The following PHTF2 variants were observed in gnomAD, a reference collection of about 807,000 sequenced individuals.
PHTF2 encodes the protein protein PHTF2.
In PHTF2, 60 loss-of-function variants were observed where a neutral mutation model predicts 101.2. That is an observed-to-expected ratio of 0.59 (90% CI 0.48 to 0.73). The LOEUF is 0.73. PHTF2 is among the 30% of genes least tolerant of loss of function. PHTF2 has a pLI of 0.00. For synonymous variants in PHTF2, 311 were observed against 307.3 expected, an observed-to-expected ratio of 1.01 and a Z score of -0.13; for missense variants, 747 against 908.7, an observed-to-expected ratio of 0.82 and a Z score of 2.29.
chr7:77,922,713 A>G (rs1378861966), exon 11 of PHTF2: 2 of 1,609,438 alleles, frequency 1.2e-6, no homozygotes, highest in East Asian at 2.2e-5. Context: ...TCATGTGGAC[A>G]GGACTTCTGA....
intron 7 of PHTF2, among the ~76,000 whole-genome samples, chr7:77,907,139 A>G (rs1801941399): frequency 6.6e-6 from 1 of 152,178 alleles, no homozygotes; most frequent in Non-Finnish European, 1.5e-5. Flanking sequence ...TAAAAGTCAC[A>G]TTAGAATTCA....
intron 1 of PHTF2, among the ~76,000 whole-genome samples, chr7:77,833,061 C>T (rs761326559): frequency 6.6e-6 from 1 of 152,102 alleles, no homozygotes; most frequent in Non-Finnish European, 1.5e-5. Context: ...TTTTACTGTA[C>T]TGCAGTTACT....
intron 1 of PHTF2, among the ~76,000 whole-genome samples, chr7:77,809,214 C>G (rs1446874409): frequency 7.4e-6 from 1 of 134,232 alleles, no homozygotes; most frequent in South Asian, 2.5e-4. Flanking sequence ...CTATATAAAC[C>G]CAGTTCGTTG....
At chr7:77,868,125 G>C (rs1263103570) in intron 3 of PHTF2, among the ~76,000 whole-genome samples, 1 of 151,826 alleles carries the variant, frequency 6.6e-6, no homozygotes, top group Non-Finnish European at 1.5e-5. Flanking sequence ...ATATGTGAAA[G>C]AAGTAATAAA....
At chr7:77,895,885 G>T (rs1800826949) in intron 5 of PHTF2, 1 of 152,106 alleles carries the variant, frequency 6.6e-6, no homozygotes, top group Non-Finnish European at 1.5e-5. Flanking sequence ...CTTTTGGTAG[G>T]TCTGAAGGTA....
intron 1 of PHTF2, among the ~76,000 whole-genome samples, chr7:77,813,785 T>TA (rs1418848240): frequency 6.6e-6 from 1 of 152,186 alleles, no homozygotes; most frequent in Non-Finnish European, 1.5e-5. Flanking sequence ...TTTCCTGACT[T>TA]ACAGAAAATT....
chr7:77,836,103 A>G (rs1367927530), intron 1 of PHTF2, among the ~76,000 whole-genome samples: 1 of 145,626 alleles, frequency 6.9e-6, no homozygotes. Flanking sequence ...GGGTAACAAG[A>G]GCGAAAACTC....
At chr7:77,906,511 C>T (rs557942889) in intron 7 of PHTF2, 1 of 152,268 alleles carries the variant, frequency 6.6e-6, no homozygotes, top group East Asian at 1.9e-4. Flanking sequence ...GTAATAACTT[C>T]CTGTTAAGAT....
intron 1 of PHTF2, among the ~76,000 whole-genome samples, chr7:77,839,545 A>G (rs1795713350): frequency 6.6e-6 from 1 of 152,200 alleles, no homozygotes; most frequent in African/African-American, 2.4e-5. Context: ...TTTTTTCAAT[A>G]AAATAAACTT....
At chr7:77,942,596 A>C (rs1403116600) in intron 15 of PHTF2, 104 bp from the exon 15 acceptor site, 1 of 566,496 alleles carries the variant, frequency 1.8e-6, no homozygotes, top group Non-Finnish European at 3.1e-6. Context: ...TGATCAACTG[A>C]TGGTGATGAG....
At chr7:77,914,065 CAAAAAAAAAAAAAAAAGGAA>C (rs1295698422) in intron 9 of PHTF2, among the ~76,000 whole-genome samples, 2 of 68,694 alleles carry the variant, frequency 2.9e-5, no homozygotes, top group Non-Finnish European at 6.1e-5. Context: ...GACTCTGTCT[CAAAAAAAAAAAAAAAAGGAA>C]AAAAAAAAGA....
intron 12 of PHTF2, among the ~76,000 whole-genome samples, chr7:77,930,602 A>G (rs1379823588): frequency 1.3e-5 from 2 of 152,202 alleles, no homozygotes; most frequent in Non-Finnish European, 2.9e-5. Flanking sequence ...CATAGCTATC[A>G]AAGAACCTTC....
intron 3 of PHTF2, among the ~76,000 whole-genome samples, chr7:77,866,477 A>G (rs1798074244): frequency 6.6e-6 from 1 of 152,138 alleles, no homozygotes; most frequent in Non-Finnish European, 1.5e-5. Flanking sequence ...ACTTAGGAAA[A>G]TACTGGCCTG....
intron 3 of PHTF2, among the ~76,000 whole-genome samples, chr7:77,889,320 C>T (rs1272979115): frequency 6.6e-6 from 1 of 152,146 alleles, no homozygotes; most frequent in Non-Finnish European, 1.5e-5. Context: ...TAGGATCTGG[C>T]TACCACTCTG....
chr7:77,903,008 A>G (rs1356023015), intron 7 of PHTF2, among the ~76,000 whole-genome samples: 1 of 152,172 alleles, frequency 6.6e-6, no homozygotes, highest in African/African-American at 2.4e-5. Context: ...GCTAAAGAAA[A>G]AAAGAACTAC....
In PHTF2 at chr7:77,900,541, T is replaced by G. The variant is rs1417405927; in HGVS notation, c.217-170T>G. ...TATATCTTTTTGAACAATAATAAAATTTATTACAATACTGTAATTGTGTTC... is the reference window on the plus strand; with the variant it reads ...TATATCTTTTTGAACAATAATAAAAGTTATTACAATACTGTAATTGTGTTC... On this transcript the variant is annotated intron_variant, in intron 5 of 19. Transcript: ENST00000416283. 5.2e-6 allele frequency: 3 copies of G among 575,590 alleles called. No individual in the cohort carries two copies. In the African/African-American group the frequency reaches 5.7e-5, roughly 11 times the overall value. 35.7% of individuals were successfully genotyped at this position (575,590 alleles called of 1,614,324 possible). A position where few individuals can be genotyped will look rare whatever the true frequency, so the allele number is the denominator to read the frequency against.
intron 15 of PHTF2, among the ~76,000 whole-genome samples, chr7:77,941,343 G>A (rs1217302798): frequency 2.0e-5 from 3 of 152,116 alleles, no homozygotes; most frequent in African/African-American, 7.2e-5. Flanking sequence ...CTTACTTAGT[G>A]TCACTGCTGC....
intron 15 of PHTF2, among the ~76,000 whole-genome samples, chr7:77,940,960 A>G (rs1401453934): frequency 6.6e-6 from 1 of 152,148 alleles, no homozygotes; most frequent in Admixed American, 6.5e-5. Context: ...TTTTCCTTTA[A>G]TCTTTTGAGT....
At chr7:77,954,648 C>T (rs1327642868) in intron 19 of PHTF2, among the ~76,000 whole-genome samples, 1 of 74,524 alleles carries the variant, frequency 1.3e-5, no homozygotes, top group Non-Finnish European at 2.5e-5. Context: ...ATATATATAG[C>T]CACTTCTCAA....
Sources: gnomAD v4.1 joint callset for allele counts (sites outside exome capture counted in the v4.1 genomes callset) on GRCh38, gnomAD v4.1.1 for gene constraint, MANE v1.5 for transcripts, NCBI Gene and HGNC (gene_info 2026-07-23, HGNC 2026-07-21) for gene names.